TRIP12: variants seen among roughly 807,000 people sequenced by gnomAD.
TRIP12 encodes the protein thyroid hormone receptor interactor 12, also known as E3 ubiquitin-protein ligase TRIP12.
In TRIP12, 25 loss-of-function variants were observed where a neutral mutation model predicts 244.2. That is an observed-to-expected ratio of 0.10 (90% CI 0.07 to 0.14). The LOEUF is 0.14. Among genes scored for constraint, TRIP12 ranks in the 10% least tolerant of loss-of-function variants. The probability of loss-of-function intolerance (pLI) is 1.00; values close to 1 mark genes in which losing one functional copy is unlikely to be tolerated. For synonymous variants in TRIP12, 905 were observed against 873.1 expected (o/e 1.04, Z -0.64); for missense variants, 1,677 against 2,486.4 (o/e 0.67, Z 6.92).
At position 229,859,528 on chromosome 2, in the gene TRIP12, G is replaced by A; in HGVS notation, c.271C>T (p.Pro91Ser). Residue 91 changes from proline (P) to serine (S), a missense_variant, in exon 4 of 42, where the codon CCA becomes TCA. By Grantham distance (74) the Pro-to-Ser change is moderately conservative. Transcript: ENST00000675903. ...CTTTCTGAAGTATTGGCTCTGTCTG[G>A]ATCCTCTGGTTGTGGAACTATCACA... ...SAVIVPQPEDPDRANTSERQK... is the reference protein window; with the variant it reads ...SAVIVPQPEDSDRANTSERQK... The A allele has an allele frequency of 6.2e-7, 1 of 1,614,092 alleles. No homozygotes were observed. Among genetic ancestry groups the A allele is most frequent in the Non-Finnish European group, 8.5e-7 (1 of 1,180,020 alleles).
chr2:229,823,027 T>A (rs554951465), intron 8 of TRIP12, among the ~76,000 whole-genome samples: 8 of 151,886 alleles, frequency 5.3e-5, no homozygotes, highest in African/African-American at 1.9e-4. Context: ...AGAGAAAAAA[T>A]TCTGAAAACA....
intron 6 of TRIP12, among the ~76,000 whole-genome samples, chr2:229,834,254 G>C (rs532929258): frequency 6.6e-6 from 1 of 152,182 alleles, no homozygotes; most frequent in African/African-American, 2.4e-5. Flanking sequence ...ACCAATTGAT[G>C]CAAAGTTAAC....
chr2:229,899,882 A>G (rs1280702748), intron 1 of TRIP12, among the ~76,000 whole-genome samples: 1 of 152,196 alleles, frequency 6.6e-6, no homozygotes, highest in Non-Finnish European at 1.5e-5. Flanking sequence ...AAACAACTGA[A>G]ATGACAAAAC....
At chr2:229,800,563 A>T (rs2044017487) in intron 21 of TRIP12, among the ~76,000 whole-genome samples, 1 of 152,242 alleles carries the variant, frequency 6.6e-6, no homozygotes, top group Non-Finnish European at 1.5e-5. Context: ...CTTTCAAAGG[A>T]TGAAAAATGT....
chr2:229,789,021 A>T, intron 31 of TRIP12, 81 bp from the exon 32 acceptor site: 1 of 1,323,288 alleles, frequency 7.6e-7, no homozygotes, highest in South Asian at 1.4e-5. Flanking sequence ...ATTATCCCCA[A>T]GTCCATGCAA....
chr2:229,831,892 T>G (rs1411924123), intron 6 of TRIP12, among the ~76,000 whole-genome samples: 1 of 149,506 alleles, frequency 6.7e-6, no homozygotes, highest in African/African-American at 2.5e-5. Context: ...TTTGGGTTTT[T>G]TTTTTTTTTT....
chr2:229,813,806 A>C, intron 13 of TRIP12, 64 bp downstream of exon 13: 9 of 1,174,568 alleles, frequency 7.7e-6, no homozygotes, highest in Non-Finnish European at 9.9e-6. Flanking sequence ...ATAAAATAAA[A>C]TATAAAATTA....
At chr2:229,906,043 G>C (rs1316041019) in intron 1 of TRIP12, among the ~76,000 whole-genome samples, 1 of 151,970 alleles carries the variant, frequency 6.6e-6, no homozygotes, top group African/African-American at 2.4e-5. Flanking sequence ...AGTGGCTCAC[G>C]CCTGTAATCC....
intron 1 of TRIP12, among the ~76,000 whole-genome samples, chr2:229,905,386 G>A (rs1003476373): frequency 6.6e-6 from 1 of 152,112 alleles, no homozygotes; most frequent in Non-Finnish European, 1.5e-5. Context: ...TTTAGGAAGA[G>A]AGAAGATATA....
chr2:229,811,603 G>A (rs1372134655), intron 13 of TRIP12, among the ~76,000 whole-genome samples: 4 of 152,230 alleles, frequency 2.6e-5, no homozygotes, highest in East Asian at 1.9e-4. Flanking sequence ...GGAAAGTTGC[G>A]AGAACCAGAG....
chr2:229,921,181 G>T, intron 1 of TRIP12: 1 of 152,198 alleles, frequency 6.6e-6, no homozygotes, highest in Non-Finnish European at 1.5e-5. Flanking sequence ...ACTTCCCACG[G>T]CTTAAAAAAC....
At chr2:229,781,192 C>G (rs983734088) in intron 34 of TRIP12, among the ~76,000 whole-genome samples, 3 of 152,180 alleles carry the variant, frequency 2.0e-5, no homozygotes, top group Admixed American at 6.5e-5. Flanking sequence ...GTAACCTGAT[C>G]TCTTCAGGGA....
chr2:229,885,773 A>G lies in TRIP12; in HGVS notation c.-49-5645T>C, dbSNP rs73101700. ...TTGAGAGGTGCCGAGAAACAATGAC[A>G]AGACAATCCCTCCTCACAAGGAGCT... is the stretch of plus-strand genomic sequence containing the variant. On this transcript the variant is annotated intron_variant, in intron 1 of 41. Transcript: ENST00000675903. Among the ~76,000 whole-genome samples, 801 of 152,212 alleles carry G rather than the reference A, an allele frequency of 5.3e-3. 9 individuals carry two copies. The highest frequency in any genetic ancestry group is 0.019 in the African/African-American group (775 of 41,524).
At position 229,899,532 on chromosome 2, in the gene TRIP12, T is replaced by C. The variant is rs75354491; in HGVS notation, c.-49-19404A>G. 8.8e-3 allele frequency among the ~76,000 whole-genome samples: 1,334 copies of C among 152,126 alleles called. 14 individuals are homozygous for C. Among genetic ancestry groups the C allele is most frequent in the African/African-American group, 0.03 (1,258 of 41,502 alleles). On this transcript the variant is annotated intron_variant, in intron 1 of 41. Coordinates refer to ENST00000675903, the MANE Select transcript of TRIP12 (RefSeq NM_001348323.3). ...CCAGCGGTGATACTGGAATCTTTGG[T>C]AGGATGCATGCAAGGTTTAAAAGAA...
At chr2:229,872,124 A>G (rs946214088) in intron 2 of TRIP12, among the ~76,000 whole-genome samples, 1 of 144,812 alleles carries the variant, frequency 6.9e-6, no homozygotes, top group Non-Finnish European at 1.5e-5. Context: ...AAAAAAAAAA[A>G]AAAAAAAAGA....
chr2:229,913,346 G>C (rs1281673244), intron 1 of TRIP12, among the ~76,000 whole-genome samples: 1 of 152,164 alleles, frequency 6.6e-6, no homozygotes, highest in Non-Finnish European at 1.5e-5. Flanking sequence ...AGCTGTGATG[G>C]AATAAGATAA....
At chr2:229,844,047 T>G (rs1174902693) in intron 4 of TRIP12, among the ~76,000 whole-genome samples, 3 of 152,210 alleles carry the variant, frequency 2.0e-5, no homozygotes, top group Non-Finnish European at 2.9e-5. Context: ...AAATGTGATA[T>G]AATTAAAACT....
chr2:229,871,566 C>T (rs866785585), intron 2 of TRIP12, among the ~76,000 whole-genome samples: 2 of 152,286 alleles, frequency 1.3e-5, no homozygotes, highest in Middle Eastern at 3.4e-3. Flanking sequence ...GCTGGCTTTG[C>T]TTTCTGCCGT....
Position 229,795,279 on chromosome 2 carries a change from A to G in TRIP12, c.3868T>C (p.Leu1290=), listed in dbSNP as rs1299673312. Residue 1290 remains leucine, a synonymous_variant, in exon 26 of 42, where the codon TTG becomes CTG. Coordinates refer to ENST00000675903, the MANE Select transcript of TRIP12 (RefSeq NM_001348323.3). The stretch of plus-strand genomic sequence containing the variant: ...TTCATCTTGTGAACTAATGCCAACA[A>G]AGGTGCATTACCCACTGGTTCCACT... The part of the protein sequence containing the change: ...GRVEPVGNAP[L]LALVHKMNNC... 1.9e-6 allele frequency: 3 copies of G among 1,614,094 alleles called. No individual in the cohort carries two copies. Among genetic ancestry groups the G allele is most frequent in the Non-Finnish European group, 2.5e-6 (3 of 1,179,970 alleles).
Sources: gnomAD v4.1 joint callset for allele counts (sites outside exome capture counted in the v4.1 genomes callset) on GRCh38, gnomAD v4.1.1 for gene constraint, MANE v1.5 for transcripts, NCBI Gene and HGNC (gene_info 2026-07-23, HGNC 2026-07-21) for gene names.